The following CACNA2D2 variants were observed in gnomAD, a reference collection of about 807,000 sequenced individuals.
CACNA2D2 encodes the protein calcium voltage-gated channel auxiliary subunit alpha2delta 2.
In CACNA2D2, 48 loss-of-function variants were observed where a neutral mutation model predicts 166.4. The observed-to-expected ratio is 0.29, with a 90% CI of 0.23 to 0.37. The LOEUF (loss-of-function observed/expected upper bound fraction) is 0.37. Among genes scored for constraint, CACNA2D2 ranks in the 10% least tolerant of loss-of-function variants. The pLI is 1.00. For missense variants in CACNA2D2, 1,122 were observed against 1,433.0 expected, an observed-to-expected ratio of 0.78 and a Z score of 3.50; for synonymous variants, 561 against 573.7, an observed-to-expected ratio of 0.98 and a Z score of 0.32.
At chr3:50,485,315 C>A (rs1281446298) in intron 1 of CACNA2D2, among the ~76,000 whole-genome samples, 3 of 152,220 alleles carry the variant, frequency 2.0e-5, no homozygotes. Flanking sequence ...ACTGACTCCC[C>A]TGTCTGTGGC....
intron 1 of CACNA2D2, among the ~76,000 whole-genome samples, chr3:50,476,763 C>A (rs1458508479): frequency 6.6e-6 from 1 of 152,108 alleles, no homozygotes; most frequent in Non-Finnish European, 1.5e-5. Flanking sequence ...TATCCAACAC[C>A]CTGGTAGACA....
At chr3:50,389,986 G>C (rs1705806646) in intron 4 of CACNA2D2, among the ~76,000 whole-genome samples, 2 of 152,112 alleles carry the variant, frequency 1.3e-5, no homozygotes, top group Non-Finnish European at 2.9e-5. Context: ...GTGGAGCTGG[G>C]GGTGTGGCGG....
intron 1 of CACNA2D2, among the ~76,000 whole-genome samples, chr3:50,499,327 G>A (rs1158539355): frequency 1.3e-5 from 2 of 152,184 alleles, no homozygotes; most frequent in African/African-American, 4.8e-5. Context: ...CCTGGAGACT[G>A]GTGGGTCTCG....
chr3:50,435,339 C>T (rs1708266398), intron 2 of CACNA2D2, among the ~76,000 whole-genome samples: 1 of 151,886 alleles, frequency 6.6e-6, no homozygotes. Flanking sequence ...GTATGCATCA[C>T]ATACTGCTGC....
rs918116409 is a variant in CACNA2D2, at chr3:50,384,108, C to G, written c.652+88G>C. ...GCTGGAGGTAGATGGCACTGGCCTT[C>G]TGTCCCCAGGGACTCTGGAATGCCC... On this transcript the variant is annotated intron_variant, in intron 6 of 37. Transcript: ENST00000424201. 3.9e-6 allele frequency: 6 copies of G among 1,535,636 alleles called. No individual in the cohort carries two copies. The African/African-American group carries it at 8.2e-5, about 21-fold the overall frequency.
In CACNA2D2 at chr3:50,366,756, G is replaced by A; in HGVS notation, c.2589+75C>T. ...CATGTAGGTGTTGGAGCCACTGAGT[G>A]GAGGGTTGGTGGGGGTTCCAGGGGA... is the stretch of plus-strand genomic sequence containing the variant. On this transcript the variant is annotated intron_variant, in intron 29 of 37. Coordinates refer to ENST00000424201, the MANE Select transcript of CACNA2D2 (RefSeq NM_006030.4). The surrounding 1 kb of genome is among the most constrained non-coding windows in gnomAD (Gnocchi z 5.9). The A allele has an allele frequency of 1.3e-6, 2 of 1,557,850 alleles. No homozygotes were observed. Among genetic ancestry groups the A allele is most frequent in the African/African-American group, 2.7e-5 (2 of 73,878 alleles).
Position 50,367,556 on chromosome 3 carries a change from T to C in CACNA2D2, c.2298-59A>G, listed in dbSNP as rs587742618. The C allele has an allele frequency of 6.2e-7, 1 of 1,607,430 alleles. No individual in the cohort carries two copies. The highest frequency in any genetic ancestry group is 1.1e-5 in the South Asian group (1 of 90,924). On this transcript the variant is annotated intron_variant, in intron 26 of 37. Transcript: ENST00000424201. This position sits in a 1 kb window ranked among gnomAD's most constrained non-coding sequence, Gnocchi z 6.5. Reference sequence around the variant, plus strand: ...GGGTGGCTTGTCGGGGACAGTGGTCTCCACAGATGCAAGGAGGCCTCTGGG... The same window carrying C: ...GGGTGGCTTGTCGGGGACAGTGGTCCCCACAGATGCAAGGAGGCCTCTGGG...
intron 3 of CACNA2D2, among the ~76,000 whole-genome samples, chr3:50,425,774 T>C (rs1707778841): frequency 6.6e-6 from 1 of 151,926 alleles, no homozygotes; most frequent in South Asian, 2.1e-4. Context: ...CTCTGGGGAG[T>C]GGAGACACAT....
intron 2 of CACNA2D2, among the ~76,000 whole-genome samples, chr3:50,442,091 T>G (rs1411227028): frequency 6.6e-6 from 1 of 152,240 alleles, no homozygotes; most frequent in African/African-American, 2.4e-5. Context: ...TATGTGAAGC[T>G]TGCAGTCTGT....
At chr3:50,434,911 T>C (rs528818354) in intron 2 of CACNA2D2, among the ~76,000 whole-genome samples, 103 of 152,346 alleles carry the variant, frequency 6.8e-4, no homozygotes, top group African/African-American at 2.3e-3. Context: ...GCCTCCACGC[T>C]GCTCAGGCAT....
At chr3:50,396,834 CCT>C (rs1370662735) in intron 3 of CACNA2D2, among the ~76,000 whole-genome samples, 1 of 152,178 alleles carries the variant, frequency 6.6e-6, no homozygotes, top group Non-Finnish European at 1.5e-5. Flanking sequence ...TGTTGAGGCC[CCT>C]GTCCTTCCCC....
chr3:50,397,994 C>T (rs1209173257), intron 3 of CACNA2D2, among the ~76,000 whole-genome samples: 2 of 152,176 alleles, frequency 1.3e-5, no homozygotes, highest in African/African-American at 4.8e-5. Context: ...CCGTGCCCAC[C>T]CTGCCCCACC....
chr3:50,419,871 C>A (rs1707464977), intron 3 of CACNA2D2: 1 of 152,224 alleles, frequency 6.6e-6, no homozygotes, highest in Non-Finnish European at 1.5e-5. Flanking sequence ...GAATGGGAGA[C>A]CACATGGGAA....
chr3:50,369,448 C>G (rs1260168726), intron 23 of CACNA2D2, among the ~76,000 whole-genome samples: 1 of 152,230 alleles, frequency 6.6e-6, no homozygotes, highest in Non-Finnish European at 1.5e-5. Flanking sequence ...TGCTCAGACT[C>G]TTACATATGT....
chr3:50,389,210 G>A (rs1442947841), intron 4 of CACNA2D2, among the ~76,000 whole-genome samples: 2 of 152,164 alleles, frequency 1.3e-5, no homozygotes, highest in African/African-American at 4.8e-5. Flanking sequence ...CTTTCCCTGC[G>A]CCCGGCTCCG....
intron 3 of CACNA2D2, among the ~76,000 whole-genome samples, chr3:50,402,173 CG>C (rs1253939362): frequency 1.3e-5 from 2 of 152,184 alleles, no homozygotes; most frequent in African/African-American, 2.4e-5. Context: ...AGAAAGAGGT[CG>C]GGTGTGTCCT....
At chr3:50,435,900 G>A (rs1169409346) in intron 2 of CACNA2D2, among the ~76,000 whole-genome samples, 1 of 152,246 alleles carries the variant, frequency 6.6e-6, no homozygotes, top group Non-Finnish European at 1.5e-5. Flanking sequence ...CCAGGGAGAA[G>A]AGAGGCCCCG....
chr3:50,413,902 G>A (rs1002053926), intron 3 of CACNA2D2, among the ~76,000 whole-genome samples: 3 of 151,952 alleles, frequency 2.0e-5, no homozygotes, highest in East Asian at 1.9e-4. Context: ...CCAGGGTTTC[G>A]GTTGCCAGGG....
At chr3:50,486,750 G>C (rs1246787326) in intron 1 of CACNA2D2, among the ~76,000 whole-genome samples, 1 of 152,186 alleles carries the variant, frequency 6.6e-6, no homozygotes, top group Non-Finnish European at 1.5e-5. Context: ...GGCTGGGGCT[G>C]CAGCCTAGTC....
Sources: gnomAD v4.1 joint callset for allele counts (sites outside exome capture counted in the v4.1 genomes callset) on GRCh38, gnomAD v4.1.1 for gene constraint, Gnocchi (gnomAD v3.1) non-coding constraint, MANE v1.5 for transcripts, NCBI Gene and HGNC (gene_info 2026-07-23, HGNC 2026-07-21) for gene names.